Variants in DNAI4 observed in about 807,000 individuals in gnomAD.
The protein encoded by DNAI4 is WD repeat domain 78.
A neutral mutation model predicts 105.8 loss-of-function variants in DNAI4; 85 were observed. The ratio of observed to expected loss-of-function variants is 0.80; its 90% CI spans 0.67 to 0.96. The LOEUF (loss-of-function observed/expected upper bound fraction) is 0.96, where lower values mean the gene tolerates loss of function less well. Ranked by LOEUF, DNAI4 falls within the 40% of genes least tolerant of loss-of-function variation. The pLI is 0.00. For synonymous variants in DNAI4, 352 were observed against 331.5 expected, an observed-to-expected ratio of 1.06 and a Z score of -0.67; for missense variants, 1,014 against 1,005.6, an observed-to-expected ratio of 1.01 and a Z score of -0.11.
At chr1:66,842,883 T>C (rs1646181330) in intron 8 of DNAI4, among the ~76,000 whole-genome samples, 1 of 152,098 alleles carries the variant, frequency 6.6e-6, no homozygotes, top group South Asian at 2.1e-4. Context: ...GTTGTTTTAA[T>C]TTGCAATTCC....
At chr1:66,818,021 A>G (rs1291274072) in intron 16 of DNAI4, among the ~76,000 whole-genome samples, 2 of 152,188 alleles carry the variant, frequency 1.3e-5, no homozygotes, top group Non-Finnish European at 2.9e-5. Context: ...TGAGAAGAAT[A>G]AACACTGTGT....
At chr1:66,892,669 G>A (rs1647757725) in intron 3 of DNAI4, among the ~76,000 whole-genome samples, 1 of 152,042 alleles carries the variant, frequency 6.6e-6, no homozygotes, top group Non-Finnish European at 1.5e-5. Context: ...ATTTTGGGAG[G>A]CCTAGGCAGG....
At chr1:66,891,898 CT>C (rs1222226218) in intron 3 of DNAI4, among the ~76,000 whole-genome samples, 1 of 152,176 alleles carries the variant, frequency 6.6e-6, no homozygotes, top group Middle Eastern at 3.2e-3. Context: ...TCTTCCTTTA[CT>C]TTTTTTCTTT....
intron 8 of DNAI4, among the ~76,000 whole-genome samples, chr1:66,846,849 C>A (rs1646286700): frequency 6.6e-6 from 1 of 152,150 alleles, no homozygotes; most frequent in Admixed American, 6.6e-5. Flanking sequence ...TTTTTTAATA[C>A]ATGATTAAAG....
intron 9 of DNAI4, among the ~76,000 whole-genome samples, chr1:66,838,957 TA>T (rs531983859): frequency 3.8e-4 from 58 of 152,334 alleles, no homozygotes; most frequent in Admixed American, 2.0e-3. Flanking sequence ...GGCACAGAGT[TA>T]ACGTTCAACA....
chr1:66,869,487 AAT>A (rs1227284752), intron 6 of DNAI4, among the ~76,000 whole-genome samples: 4 of 152,200 alleles, frequency 2.6e-5, no homozygotes, highest in African/African-American at 9.6e-5. Flanking sequence ...TACATACAGT[AAT>A]CCATTTAAAA....
intron 6 of DNAI4, chr1:66,871,019 T>C (rs1646834885): frequency 4.8e-6 from 1 of 208,172 alleles, no homozygotes; most frequent in Non-Finnish European, 9.4e-6. Flanking sequence ...AACCAGTTAA[T>C]ACATGTGAAG....
intron 11 of DNAI4, among the ~76,000 whole-genome samples, chr1:66,835,233 T>C (rs1297069684): frequency 1.4e-5 from 2 of 142,192 alleles, no homozygotes; most frequent in Admixed American, 1.4e-4. Context: ...GATAGATAGA[T>C]AGATAGATAA....
intron 9 of DNAI4, among the ~76,000 whole-genome samples, chr1:66,838,824 C>T (rs1361963827): frequency 6.6e-6 from 1 of 152,162 alleles, no homozygotes; most frequent in African/African-American, 2.4e-5. Context: ...TCAAGAGCTT[C>T]TTGTATGTGT....
intron 4 of DNAI4, among the ~76,000 whole-genome samples, chr1:66,883,380 T>C (rs1444049404): frequency 6.6e-6 from 1 of 152,012 alleles, no homozygotes; most frequent in Non-Finnish European, 1.5e-5. Flanking sequence ...TGGGTTCAAG[T>C]GACTCTCCTG....
intron 10 of DNAI4, among the ~76,000 whole-genome samples, chr1:66,836,936 G>C (rs1646038120): frequency 6.6e-6 from 1 of 152,142 alleles, no homozygotes; most frequent in Admixed American, 6.5e-5. Flanking sequence ...TTACTACTAT[G>C]ATTCTTTATA....
chr1:66,872,785 A>G, intron 5 of DNAI4, among the ~76,000 whole-genome samples: 1 of 152,010 alleles, frequency 6.6e-6, no homozygotes, highest in East Asian at 1.9e-4. Context: ...GGTGATCTCC[A>G]CTCACTGCAA....
At chr1:66,912,338 A>C (rs1649721757) in intron 1 of DNAI4, among the ~76,000 whole-genome samples, 1 of 151,904 alleles carries the variant, frequency 6.6e-6, no homozygotes, top group Non-Finnish European at 1.5e-5. Context: ...GTGTGGTGGG[A>C]CACACCTGTA....
chr1:66,870,987 C>G (rs1244425499), intron 6 of DNAI4: 4 of 174,848 alleles, frequency 2.3e-5, no homozygotes, highest in African/African-American at 9.4e-5. Flanking sequence ...GTATCTACCT[C>G]ATAGGGTTGC....
At chr1:66,888,395 T>G (rs572345629) in intron 4 of DNAI4, among the ~76,000 whole-genome samples, 2 of 152,230 alleles carry the variant, frequency 1.3e-5, no homozygotes, top group African/African-American at 4.8e-5. Context: ...GACTTTGTAG[T>G]TGGAATTCAC....
chr1:66,854,238 TA>T (rs1646453709), intron 7 of DNAI4, among the ~76,000 whole-genome samples: 1 of 152,014 alleles, frequency 6.6e-6, no homozygotes, highest in Non-Finnish European at 1.5e-5. Flanking sequence ...CAAAAATTTT[TA>T]AATTAGCTGA....
At chr1:66,814,271 T>C (rs1353957593) in intron 16 of DNAI4, 91 bp from the exon 17 acceptor site, 2 of 923,314 alleles carry the variant, frequency 2.2e-6, no homozygotes, top group Non-Finnish European at 3.3e-6. Context: ...ATTTATAAGT[T>C]AGTGATACAC....
chr1:66,900,391 G>A (rs941450783), intron 2 of DNAI4, among the ~76,000 whole-genome samples: 3 of 152,036 alleles, frequency 2.0e-5, no homozygotes, highest in Middle Eastern at 3.2e-3. Flanking sequence ...GTGAGCCACC[G>A]CGCCTGGCCC....
intron 5 of DNAI4, among the ~76,000 whole-genome samples, chr1:66,872,205 TTTTATTTATTTATTATTTATTTA>T (rs935836084): frequency 7.0e-5 from 9 of 127,734 alleles, no homozygotes; most frequent in Non-Finnish European, 9.8e-5. Context: ...TTTCAGGTTA[TTTTATTTATTTATTATTTATTTA>T]TTTATTTATT....
Sources: gnomAD v4.1 joint callset for allele counts (sites outside exome capture counted in the v4.1 genomes callset) on GRCh38, gnomAD v4.1.1 for gene constraint, MANE v1.5 for transcripts, NCBI Gene and HGNC (gene_info 2026-07-23, HGNC 2026-07-21) for gene names.